The following GPR89B variants were observed in gnomAD, a reference collection of about 807,000 sequenced individuals.
The protein encoded by GPR89B is G protein-coupled receptor 89B.
Under a neutral mutation model 52.4 loss-of-function variants are expected in GPR89B, and 25 were observed. That is an observed-to-expected ratio of 0.48 (90% CI 0.35 to 0.67). The LOEUF is 0.67. Ranked by LOEUF, GPR89B falls within the 30% of genes least tolerant of loss-of-function variation. GPR89B has a pLI of 0.01. For synonymous variants in GPR89B, 52 were observed against 151.2 expected, an observed-to-expected ratio of 0.34 and a Z score of 4.81; for missense variants, 146 against 450.2, an observed-to-expected ratio of 0.32 and a Z score of 6.11.
the GPR89B span, among the ~76,000 whole-genome samples, chr1:148,004,275 G>A: frequency 6.6e-6 from 1 of 150,876 alleles, no homozygotes; most frequent in South Asian, 2.1e-4. Context: ...TCCTGCCTCA[G>A]CCTCCCGAGT....
chr1:147,962,835 T>G, intron 7 of GPR89B, among the ~76,000 whole-genome samples: 1 of 148,608 alleles, frequency 6.7e-6, no homozygotes, highest in African/African-American at 2.5e-5. Context: ...AGGTGGAGGT[T>G]GCAGTGAGCC....
At chr1:147,976,963 G>A (rs1176606857) in intron 10 of GPR89B, among the ~76,000 whole-genome samples, 1 of 151,724 alleles carries the variant, frequency 6.6e-6, no homozygotes, top group African/African-American at 2.4e-5. Context: ...AGCTGGGCGT[G>A]GTGGCTCACG....
Position 147,946,464 on chromosome 1 carries a change from G to C in GPR89B, c.415+2366G>C, listed in dbSNP as rs1457095586. ...ATGTGATCAGCATGCCTATGTCAAT[G>C]GTCAACGAAGGGAACGACTTGCACT... On this transcript the variant is annotated intron_variant, in intron 5 of 13. Transcript: ENST00000314163. Among the ~76,000 whole-genome samples the C allele has an allele frequency of 3.4e-4, 52 of 152,276 alleles. 1 individual carries two copies. Among genetic ancestry groups the C allele is most frequent in the Admixed American group, 5.2e-4 (8 of 15,304 alleles).
the GPR89B span, chr1:148,011,551 G>A: frequency 6.6e-6 from 1 of 152,376 alleles, no homozygotes; most frequent in South Asian, 2.1e-4. Context: ...GCAGGGGCCA[G>A]GGAGACTCTT....
chr1:147,963,932 G>T (rs1656830088), intron 7 of GPR89B, among the ~76,000 whole-genome samples: 1 of 152,046 alleles, frequency 6.6e-6, no homozygotes, highest in Non-Finnish European at 1.5e-5. Context: ...AATCCCCAAA[G>T]AATATATACC....
At chr1:147,982,453 C>A (rs1300574163) in intron 10 of GPR89B, among the ~76,000 whole-genome samples, 3 of 142,194 alleles carry the variant, frequency 2.1e-5, no homozygotes, top group Non-Finnish European at 4.5e-5. Flanking sequence ...CCAATTTCTC[C>A]ACATCCCCAC....
chr1:147,995,428 A>T (rs1449230693), downstream of GPR89B, among the ~76,000 whole-genome samples: 49 of 151,878 alleles, frequency 3.2e-4, no homozygotes, highest in Non-Finnish European at 6.0e-4. Flanking sequence ...TGTTGTTCTT[A>T]TACTGCCTCC....
chr1:147,930,171 A>G (rs1571209657), intron 1 of GPR89B, among the ~76,000 whole-genome samples: 4 of 152,356 alleles, frequency 2.6e-5, no homozygotes, highest in Admixed American at 2.0e-4. Context: ...ACATGTATCC[A>G]TATGCAGTAA....
At chr1:147,959,690 T>C (rs1358012084) in intron 7 of GPR89B, among the ~76,000 whole-genome samples, 1 of 152,080 alleles carries the variant, frequency 6.6e-6, no homozygotes, top group Non-Finnish European at 1.5e-5. Flanking sequence ...CCTTCCCAAA[T>C]CTCTGTGTCA....
Position 147,959,888 on chromosome 1 carries a change from T to G in GPR89B, c.617+5486T>G, listed in dbSNP as rs1167638163. On this transcript the variant is annotated intron_variant, in intron 7 of 13. Coordinates refer to ENST00000314163, the MANE Select transcript of GPR89B (RefSeq NM_016334.5). ...AACACACAGTTTGGATGACAGAAAG[T>G]GAAAGCTTTTCTGGCTTGAGGTGTC... 1.7e-3 allele frequency among the ~76,000 whole-genome samples: 250 copies of G among 150,808 alleles called. 3 individuals are homozygous for G. Among genetic ancestry groups the G allele is most frequent in the South Asian group, 0.01 (48 of 4,716 alleles).
At chr1:147,939,503 A>C (rs1456502354) in intron 3 of GPR89B, among the ~76,000 whole-genome samples, 2 of 152,176 alleles carry the variant, frequency 1.3e-5, no homozygotes, top group African/African-American at 4.8e-5. Flanking sequence ...ACCTGGAAAA[A>C]TCTTTTAGGA....
rs587734202 is a variant in GPR89B at position 147,934,382 on chromosome 1, G to A, written c.43-2245G>A. Among the ~76,000 whole-genome samples the A allele has an allele frequency of 2.0e-5, 3 of 152,210 alleles. No homozygotes were observed. The East Asian group carries it at 5.8e-4, about 29-fold the overall frequency. On this transcript the variant is annotated intron_variant, in intron 1 of 13. Transcript: ENST00000314163. The stretch of plus-strand genomic sequence containing the variant: ...TGTAGAGATGGGGTTTCACCACGTT[G>A]CCCAAGCTGGTCTCGAACTCCTGGG...
In GPR89B at chr1:147,938,885, T is replaced by C. The variant is rs587603016; in HGVS notation, c.206+68T>C. 1.9e-5 allele frequency: 30 copies of C among 1,556,766 alleles called. No individual in the cohort carries two copies. The African/African-American group carries it at 4.1e-4, about 21-fold the overall frequency. On this transcript the variant is annotated intron_variant, in intron 3 of 13. Coordinates refer to ENST00000314163, the MANE Select transcript of GPR89B (RefSeq NM_016334.5). ...TACATTCTTTACAGTGGAAAAGCTATTGGATCTCATAACTGAAAAAAAAAA... is the reference window on the plus strand; with the variant it reads ...TACATTCTTTACAGTGGAAAAGCTACTGGATCTCATAACTGAAAAAAAAAA...
intron 3 of GPR89B, among the ~76,000 whole-genome samples, chr1:147,942,096 AT>A (rs587679116): frequency 8.7e-4 from 132 of 152,210 alleles, no homozygotes; most frequent in African/African-American, 3.1e-3. Flanking sequence ...TCTAGAATAT[AT>A]AAAGAATTCT....
chr1:147,933,416 A>G (rs1553247385), intron 1 of GPR89B, among the ~76,000 whole-genome samples: 1 of 151,472 alleles, frequency 6.6e-6, no homozygotes. Flanking sequence ...TACTATTCCC[A>G]GGTGATCTCA....
At chr1:147,940,461 TC>T (rs1305683446) in intron 3 of GPR89B, among the ~76,000 whole-genome samples, 1 of 151,784 alleles carries the variant, frequency 6.6e-6, no homozygotes, top group African/African-American at 2.4e-5. Context: ...TAGATATAGA[TC>T]CTGTGACTAT....
At chr1:147,964,985 A>G (rs1656929125) in intron 7 of GPR89B, among the ~76,000 whole-genome samples, 1 of 151,934 alleles carries the variant, frequency 6.6e-6, no homozygotes, top group Non-Finnish European at 1.5e-5. Flanking sequence ...TATGTGTTCT[A>G]GCTTTTTCAA....
At chr1:147,934,816 T>C (rs1274092841) in intron 1 of GPR89B, among the ~76,000 whole-genome samples, 3 of 152,152 alleles carry the variant, frequency 2.0e-5, no homozygotes, top group Non-Finnish European at 2.9e-5. Context: ...AACCATCCTA[T>C]TCATCTTTGT....
At chr1:147,978,534 C>T (rs1384424827) in intron 10 of GPR89B, among the ~76,000 whole-genome samples, 1 of 151,630 alleles carries the variant, frequency 6.6e-6, no homozygotes, top group East Asian at 1.9e-4. Context: ...AGGGAATCCC[C>T]CTCCTCTGGA....
Sources: gnomAD v4.1 joint callset for allele counts (sites outside exome capture counted in the v4.1 genomes callset) on GRCh38, gnomAD v4.1.1 for gene constraint, MANE v1.5 for transcripts, NCBI Gene and HGNC (gene_info 2026-07-23, HGNC 2026-07-21) for gene names.